RBSN: variants seen among roughly 807,000 people sequenced by gnomAD.
RBSN encodes the protein rabenosyn, RAB effector.
A neutral mutation model predicts 60.5 loss-of-function variants in RBSN; 34 were observed. The ratio of observed to expected loss-of-function variants is 0.56; its 90% CI spans 0.43 to 0.75. RBSN has a LOEUF of 0.75. Ranked by LOEUF, RBSN falls within the 30% of genes least tolerant of loss-of-function variation. RBSN has a pLI of 0.00. For synonymous variants in RBSN, 322 were observed against 366.9 expected, an observed-to-expected ratio of 0.88 and a Z score of 1.40; for missense variants, 845 against 986.8, an observed-to-expected ratio of 0.86 and a Z score of 1.92.
chr3:15,075,383 G>C (rs1428292012), intron 13 of RBSN: 1 of 670,558 alleles, frequency 1.5e-6, no homozygotes, highest in Admixed American at 2.0e-5. Context: ...CTAGCCATGA[G>C]AGAATCAGCA....
At chr3:15,076,066 T>C (rs745820054) in intron 12 of RBSN, among the ~76,000 whole-genome samples, 10 of 152,014 alleles carry the variant, frequency 6.6e-5, no homozygotes, top group Non-Finnish European at 1.3e-4. Context: ...TTTGCTATCT[T>C]ACATACTAGA....
chr3:15,094,478 C>T (rs2043600145), intron 4 of RBSN, among the ~76,000 whole-genome samples: 1 of 152,230 alleles, frequency 6.6e-6, no homozygotes, highest in African/African-American at 2.4e-5. Flanking sequence ...AGTAACTCAA[C>T]ATCTCTTGAG....
intron 1 of RBSN, 136 bp from the exon 2 acceptor site, chr3:15,098,410 C>T (rs1217921279): frequency 2.8e-5 from 4 of 142,908 alleles, no homozygotes; most frequent in African/African-American, 1.0e-4. Context: ...ACAACCATAA[C>T]TGAACACATA....
At position 15,097,503 on chromosome 3, in the gene RBSN, G is replaced by A. The variant is rs533535127; in HGVS notation, c.-345+616C>T. On this transcript the variant is annotated intron_variant, in intron 2 of 13. Coordinates refer to ENST00000253699, the MANE Select transcript of RBSN (RefSeq NM_022340.4). ...GCACTCCAGCCTGGGCAACAAGAGC[G>A]AAACTCCATCTCAAAAAAGTAAATA... Among the ~76,000 whole-genome samples the A allele has an allele frequency of 2.0e-4, 31 of 152,108 alleles. No individual in the cohort carries two copies. The South Asian group carries it at 4.8e-3, about 23-fold the overall frequency.
At position 15,096,571 on chromosome 3, in the gene RBSN, A is replaced by G. The variant is rs1311101772; in HGVS notation, c.-205T>C. 1 of 153,458 alleles carries G rather than the reference A, an allele frequency of 6.5e-6. No homozygotes were observed. Among genetic ancestry groups the G allele is most frequent in the Non-Finnish European group, 1.4e-5 (1 of 69,018 alleles). The allele number at this position is 153,458 out of a possible 1,614,324, so 9.5% of individuals were successfully genotyped here. ...TCTTACATTCATTCCAAATGATCCAACTTCATAATTCATATGCCACTTCAG... is the reference window on the plus strand; with the variant it reads ...TCTTACATTCATTCCAAATGATCCAGCTTCATAATTCATATGCCACTTCAG... On this transcript the variant is annotated 5_prime_UTR_variant, in exon 3 of 14. Coordinates refer to ENST00000253699, the MANE Select transcript of RBSN (RefSeq NM_022340.4).
At position 15,074,933 on chromosome 3, in the gene RBSN, G is replaced by A. The variant is rs1051239007; in HGVS notation, c.1207-3C>T. ...CTTCGCTGGGACTCCAGGGCAGCCT[G>A]GGGAGAGAGCAAAGCAGAGAGAAGA... On this transcript the variant is annotated splice_polypyrimidine_tract_variant and splice_region_variant and intron_variant, in intron 13 of 13. Transcript: ENST00000253699. This position sits in a 1 kb window ranked among gnomAD's most constrained non-coding sequence, Gnocchi z 6.4. 14 of 1,604,170 alleles carry A rather than the reference G, an allele frequency of 8.7e-6. No individual in the cohort carries two copies. In the African/African-American group the frequency reaches 1.5e-4, roughly 17 times the overall value.
rs2043189521 is a variant in RBSN, at chr3:15,080,914, T to A, written c.841-112A>T. On this transcript the variant is annotated intron_variant, in intron 9 of 13. Coordinates refer to ENST00000253699, the MANE Select transcript of RBSN (RefSeq NM_022340.4). The stretch of plus-strand genomic sequence containing the variant: ...TTAAAATGTTCACTTTTCTAACACA[T>A]TAATTGTTGTTATCAATTTCCTGAT... The A allele has an allele frequency of 1.6e-5, 13 of 832,326 alleles. No individual in the cohort carries two copies. In the Middle Eastern group the frequency reaches 1.2e-3, roughly 75 times the overall value. 51.6% of individuals were successfully genotyped at this position (832,326 alleles called of 1,614,324 possible).
intron 5 of RBSN, among the ~76,000 whole-genome samples, chr3:15,086,669 A>G: frequency 6.6e-6 from 1 of 152,268 alleles, no homozygotes; most frequent in South Asian, 2.1e-4. Flanking sequence ...TGGGTGATTT[A>G]AACATTTTTG....
At chr3:15,083,280 GA>G (rs1173735575) in intron 8 of RBSN, among the ~76,000 whole-genome samples, 1 of 152,208 alleles carries the variant, frequency 6.6e-6, no homozygotes, top group Non-Finnish European at 1.5e-5. Context: ...GTCTCAGGGA[GA>G]AAGTATCAAG....
Position 15,077,121 on chromosome 3 carries a change from G to A in RBSN, c.1042C>T (p.His348Tyr). The A allele has an allele frequency of 6.2e-7, 1 of 1,614,114 alleles. No homozygotes were observed. The highest frequency in any genetic ancestry group is 8.5e-7 in the Non-Finnish European group (1 of 1,179,998). ...TLGLNQDPPPHPSNLRLQRMI... is the reference protein window; with the variant it reads ...TLGLNQDPPPYPSNLRLQRMI... ...CTCTGCAGCCGCAAATTGCTTGGAT[G>A]TGGTGGAGGGTCCTGGTTCAAGCCC... is the stretch of plus-strand genomic sequence containing the variant. The change falls in exon 12 of 14, where the codon CAT (histidine) becomes TAT (tyrosine). Residue 348 changes from histidine (H) to tyrosine (Y), a missense_variant. His to Tyr is a moderately conservative substitution (Grantham distance 83). Transcript: ENST00000253699. This position sits in a 1 kb window ranked among gnomAD's most constrained non-coding sequence, Gnocchi z 4.4.
chr3:15,084,256 C>A lies in RBSN; in HGVS notation c.598+479G>T, dbSNP rs1024822793. 7.2e-5 allele frequency among the ~76,000 whole-genome samples: 11 copies of A among 152,146 alleles called. No individual in the cohort carries two copies. Among genetic ancestry groups the A allele is most frequent in the African/African-American group, 2.7e-4 (11 of 41,416 alleles). On this transcript the variant is annotated intron_variant, in intron 8 of 13. Coordinates refer to ENST00000253699, the MANE Select transcript of RBSN (RefSeq NM_022340.4). This position sits in a 1 kb window ranked among gnomAD's most constrained non-coding sequence, Gnocchi z 4.2. ...GCCTCAGCCTCCTGAGTAGCTAGGACTACAGGCACATGCCACCACGCCAGG... is the reference window on the plus strand; with the variant it reads ...GCCTCAGCCTCCTGAGTAGCTAGGAATACAGGCACATGCCACCACGCCAGG...
chr3:15,079,567 A>G (rs1397090349), intron 10 of RBSN, among the ~76,000 whole-genome samples: 1 of 152,254 alleles, frequency 6.6e-6, no homozygotes. Context: ...TGGATAAACA[A>G]AATGTGACAA....
At chr3:15,081,160 C>T (rs987185038) in intron 9 of RBSN, 7 of 181,680 alleles carry the variant, frequency 3.9e-5, no homozygotes. Flanking sequence ...ATTACAGGCA[C>T]GCTGCCACCA....
At position 15,074,999 on chromosome 3, in the gene RBSN, C is replaced by CGG; in HGVS notation, c.1207-70_1207-69insCC. On this transcript the variant is annotated intron_variant, in intron 13 of 13. Coordinates refer to ENST00000253699, the MANE Select transcript of RBSN (RefSeq NM_022340.4). This position sits in a 1 kb window ranked among gnomAD's most constrained non-coding sequence, Gnocchi z 6.4. ...GGCAGCAGCCCACACTGTCACCCAC[C>CGG]CTCTGTTGTCCCTCTATCCCTGTGC... The CGG allele has an allele frequency of 1.3e-6, 2 of 1,506,182 alleles. No homozygotes were observed. The highest frequency in any genetic ancestry group is 1.8e-6 in the Non-Finnish European group (2 of 1,128,766). 93.3% of individuals were successfully genotyped at this position (1,506,182 alleles called of 1,614,324 possible).
At chr3:15,078,779 CATATATATAT>C (rs57572763) in intron 10 of RBSN, among the ~76,000 whole-genome samples, 5,338 of 50,290 alleles carry the variant, frequency 0.11, 473 homozygotes, top group East Asian at 0.18. Flanking sequence ...AAAAAAAATA[CATATATATAT>C]ATATATATAT....
At position 15,074,357 on chromosome 3, in the gene RBSN, TTGAGCTAAG is replaced by T. The variant is rs2042994042; in HGVS notation, c.1771_1779del (p.Leu591_Ser593del). ...CCAGACCACACTCTGGTGGGTTGAGTTGAGCTAAGTGAAGGGGTCTTGGGAGCTGTGCTG... is the reference window on the plus strand; with the variant it reads ...CCAGACCACACTCTGGTGGGTTGAGTTGAAGGGGTCTTGGGAGCTGTGCTG... On this transcript the variant is annotated inframe_deletion, in exon 14 of 14. Coordinates refer to ENST00000253699, the MANE Select transcript of RBSN (RefSeq NM_022340.4). This position sits in a 1 kb window ranked among gnomAD's most constrained non-coding sequence, Gnocchi z 6.4. 1 of 1,613,844 alleles carries T rather than the reference TTGAGCTAAG, an allele frequency of 6.2e-7. No homozygotes were observed. Among genetic ancestry groups the T allele is most frequent in the African/African-American group, 1.3e-5 (1 of 74,942 alleles).
At chr3:15,080,666 A>G in intron 10 of RBSN, 66 bp downstream of exon 10, 1 of 1,488,416 alleles carries the variant, frequency 6.7e-7, no homozygotes, top group Non-Finnish European at 9.3e-7. Flanking sequence ...TGGCTACTGG[A>G]GAATTGACCT....
At chr3:15,086,091 CAAAAAAAAAAAA>C (rs60131546) in intron 5 of RBSN, 130 bp from the exon 6 acceptor site, 7 of 94,812 alleles carry the variant, frequency 7.4e-5, no homozygotes, top group Admixed American at 5.5e-4. Context: ...CGTCTCTCTC[CAAAAAAAAAAAA>C]AAAAAAAAAA....
intron 8 of RBSN, among the ~76,000 whole-genome samples, chr3:15,083,741 TATG>T (rs1317755052): frequency 1.3e-5 from 2 of 152,118 alleles, no homozygotes; most frequent in East Asian, 1.9e-4. Context: ...TCTCTCATAT[TATG>T]ATATTAGTCT....
Sources: allele counts gnomAD v4.1 joint callset (sites outside exome capture counted in the v4.1 genomes callset), GRCh38; gene constraint gnomAD v4.1.1; non-coding constraint Gnocchi (gnomAD v3.1); transcripts MANE v1.5; gene names NCBI Gene and HGNC (gene_info 2026-07-23, HGNC 2026-07-21).